Variants in SMYD2 observed in about 807,000 individuals in gnomAD.
SMYD2 encodes SET and MYND domain containing 2.
In SMYD2, 53 loss-of-function variants were observed where a neutral mutation model predicts 59.1. The ratio of observed to expected loss-of-function variants is 0.90; its 90% CI spans 0.72 to 1.13. The LOEUF (loss-of-function observed/expected upper bound fraction) is 1.13, where lower values mean the gene tolerates loss of function less well. Ranked by LOEUF, SMYD2 falls within the 50% of genes most tolerant of loss-of-function variation. The pLI is 0.00. For synonymous variants in SMYD2, 208 were observed against 198.8 expected (o/e 1.05, Z -0.39); for missense variants, 494 against 544.7 (o/e 0.91, Z 0.93).
chr1:214,317,986 T>A, intron 3 of SMYD2, 93 bp from the exon 4 acceptor site: 1 of 1,184,902 alleles, frequency 8.4e-7, no homozygotes, highest in Non-Finnish European at 1.3e-6. Context: ...AATTGTTACT[T>A]TTTCTTTATG....
chr1:214,300,536 A>G (rs2102460357), intron 1 of SMYD2, among the ~76,000 whole-genome samples: 1 of 152,292 alleles, frequency 6.6e-6, no homozygotes, highest in East Asian at 1.9e-4. Flanking sequence ...AGTGACATTA[A>G]TGGGATACCA....
intron 5 of SMYD2, among the ~76,000 whole-genome samples, chr1:214,324,296 A>G (rs1472703094): frequency 6.6e-6 from 1 of 152,144 alleles, no homozygotes; most frequent in Non-Finnish European, 1.5e-5. Context: ...ATCATACAAC[A>G]AAGCTGTAGC....
At chr1:214,299,067 C>G (rs923943331) in intron 1 of SMYD2, among the ~76,000 whole-genome samples, 1 of 152,072 alleles carries the variant, frequency 6.6e-6, no homozygotes, top group Non-Finnish European at 1.5e-5. Flanking sequence ...GAGAGGATTG[C>G]TTGAGCACAA....
chr1:214,291,325 A>G (rs1656632355), intron 1 of SMYD2, among the ~76,000 whole-genome samples: 1 of 152,238 alleles, frequency 6.6e-6, no homozygotes, highest in African/African-American at 2.4e-5. Flanking sequence ...CAGGTATGTC[A>G]TGAAGAACAT....
intron 1 of SMYD2, among the ~76,000 whole-genome samples, chr1:214,296,214 T>C (rs1360794010): frequency 1.3e-5 from 2 of 152,258 alleles, no homozygotes; most frequent in Non-Finnish European, 2.9e-5. Context: ...CAGGAGTTGT[T>C]AATTACATTT....
intron 6 of SMYD2, among the ~76,000 whole-genome samples, chr1:214,325,708 A>G (rs1241378445): frequency 6.6e-6 from 1 of 151,586 alleles, no homozygotes; most frequent in Non-Finnish European, 1.5e-5. Context: ...TTGTTCATGT[A>G]ATATTTGTCC....
chr1:214,282,191 A>G (rs1181993480), intron 1 of SMYD2, among the ~76,000 whole-genome samples: 2 of 152,240 alleles, frequency 1.3e-5, no homozygotes, highest in Non-Finnish European at 2.9e-5. Context: ...ACCAACACAT[A>G]ATTATATCCT....
intron 5 of SMYD2, among the ~76,000 whole-genome samples, chr1:214,322,923 G>A (rs955973078): frequency 7.9e-5 from 12 of 152,192 alleles, no homozygotes; most frequent in Admixed American, 6.5e-5. Flanking sequence ...GAGGATGCTA[G>A]TTTTACAAAG....
At position 214,281,189 on chromosome 1, in the gene SMYD2, TC is replaced by T; in HGVS notation, c.-65del. 1 of 1,131,986 alleles carries T rather than the reference TC, an allele frequency of 8.8e-7. No homozygotes were observed. Among genetic ancestry groups the T allele is most frequent in the African/African-American group, 1.6e-5 (1 of 61,036 alleles). 70.1% of individuals were successfully genotyped at this position (1,131,986 alleles called of 1,614,324 possible). A position where few individuals can be genotyped will look rare whatever the true frequency, so the allele number is the denominator to read the frequency against. ...GCCCCCCGCAGCTCTAGGTGACGCGTCTCCAATAACAGCTCGCCGGGAGCCG... is the reference window on the plus strand; with the variant it reads ...GCCCCCCGCAGCTCTAGGTGACGCGTTCCAATAACAGCTCGCCGGGAGCCG... On this transcript the variant is annotated 5_prime_UTR_variant, in exon 1 of 12. Coordinates refer to ENST00000366957, the MANE Select transcript of SMYD2 (RefSeq NM_020197.3).
chr1:214,298,027 A>G (rs1486809583), intron 1 of SMYD2, among the ~76,000 whole-genome samples: 3 of 152,194 alleles, frequency 2.0e-5, no homozygotes, highest in Non-Finnish European at 1.5e-5. Flanking sequence ...TACCAAAGTC[A>G]TTTTTCACAG....
At chr1:214,307,749 G>C (rs2102464612) in intron 2 of SMYD2, among the ~76,000 whole-genome samples, 2 of 152,286 alleles carry the variant, frequency 1.3e-5, no homozygotes, top group African/African-American at 4.8e-5. Flanking sequence ...CCAGGACCTA[G>C]AATCCCAGAT....
At chr1:214,281,590 C>T (rs991289968) in intron 1 of SMYD2, among the ~76,000 whole-genome samples, 163 bp downstream of exon 1, 1 of 152,036 alleles carries the variant, frequency 6.6e-6, no homozygotes, top group East Asian at 1.9e-4. Context: ...TGCGGCCCCG[C>T]GCTGCAGCCC....
chr1:214,295,684 G>GC (rs555664883), intron 1 of SMYD2, among the ~76,000 whole-genome samples: 4 of 152,210 alleles, frequency 2.6e-5, no homozygotes, highest in South Asian at 2.1e-4. Context: ...CTGGGAAGAA[G>GC]CCCCCCGCTG....
At chr1:214,317,956 G>T in intron 3 of SMYD2, 123 bp from the exon 4 acceptor site, 1 of 945,602 alleles carries the variant, frequency 1.1e-6, no homozygotes, top group Non-Finnish European at 1.7e-6. Flanking sequence ...TCCTTGAGTA[G>T]CTTGTTTTAC....
intron 9 of SMYD2, chr1:214,331,793 C>T (rs552777427): frequency 3.8e-6 from 2 of 523,866 alleles, no homozygotes; most frequent in South Asian, 5.2e-5. Context: ...GGGGTCTGGA[C>T]CCTGCGGCTA....
Position 214,311,355 on chromosome 1 carries a change from G to C in SMYD2, c.238-3407G>C, listed in dbSNP as rs185312395. On this transcript the variant is annotated intron_variant, in intron 2 of 11. Transcript: ENST00000366957. ...GATGATCCCTATTTGGTCCACTTTT[G>C]TTGGTAGTCTTCAAGCTTGATATCT... 2.5e-3 allele frequency among the ~76,000 whole-genome samples: 374 copies of C among 152,332 alleles called. 6 individuals carry two copies. Among genetic ancestry groups the C allele is most frequent in the Non-Finnish European group, 8.8e-4 (60 of 68,022 alleles).
At chr1:214,317,587 C>A (rs926873511) in intron 3 of SMYD2, among the ~76,000 whole-genome samples, 1 of 152,188 alleles carries the variant, frequency 6.6e-6, no homozygotes, top group African/African-American at 2.4e-5. Flanking sequence ...TAGAACAAAG[C>A]CAGCAACGCG....
intron 5 of SMYD2, among the ~76,000 whole-genome samples, chr1:214,323,860 G>T (rs902052679): frequency 6.6e-6 from 1 of 152,214 alleles, no homozygotes; most frequent in Non-Finnish European, 1.5e-5. Flanking sequence ...ACAGAGAGAG[G>T]GATAGCAGTT....
At position 214,281,249 on chromosome 1, in the gene SMYD2, GCCA is replaced by G. The variant is rs1413867562; in HGVS notation, c.-2_1del. Reference sequence around the variant, plus strand: ...GCACAGCCGGCGGCCGCGCCCCGCCGCCACCATGAGGGCCGAGGGCCTCGGCGG... The same window carrying G: ...GCACAGCCGGCGGCCGCGCCCCGCCGCCATGAGGGCCGAGGGCCTCGGCGG... On this transcript the variant is annotated 5_prime_UTR_variant, in exon 1 of 12. Coordinates refer to ENST00000366957, the MANE Select transcript of SMYD2 (RefSeq NM_020197.3). The G allele has an allele frequency of 3.8e-5, 47 of 1,234,756 alleles. No individual in the cohort carries two copies. Among genetic ancestry groups the G allele is most frequent in the Non-Finnish European group, 4.6e-5 (45 of 982,250 alleles). The allele number at this position is 1,234,756 out of a possible 1,614,324, so 76.5% of individuals were successfully genotyped here. A position where few individuals can be genotyped will look rare whatever the true frequency, so the allele number is the denominator to read the frequency against.
Sources: gnomAD v4.1 joint callset for allele counts (sites outside exome capture counted in the v4.1 genomes callset) on GRCh38, gnomAD v4.1.1 for gene constraint, MANE v1.5 for transcripts, NCBI Gene and HGNC (gene_info 2026-07-23, HGNC 2026-07-21) for gene names.